RIMBP2: variants seen among roughly 807,000 people sequenced by gnomAD.
The protein encoded by RIMBP2 is RIMS binding protein 2.
Under a neutral mutation model 118.6 loss-of-function variants are expected in RIMBP2, and 48 were observed. The ratio of observed to expected loss-of-function variants is 0.40; its 90% CI spans 0.32 to 0.51. The LOEUF (loss-of-function observed/expected upper bound fraction) is 0.51. RIMBP2 is among the 20% of genes least tolerant of loss of function. The probability of loss-of-function intolerance (pLI) is 0.41; values close to 1 mark genes in which losing one functional copy is unlikely to be tolerated. For missense variants in RIMBP2, 1,551 were observed against 1,768.3 expected, an observed-to-expected ratio of 0.88 and a Z score of 2.20; for synonymous variants, 762 against 742.9, an observed-to-expected ratio of 1.03 and a Z score of -0.42.
chr12:130,483,637 A>AT (rs1284365449), intron 4 of RIMBP2, among the ~76,000 whole-genome samples: 65 of 139,550 alleles, frequency 4.7e-4, no homozygotes, highest in African/African-American at 1.5e-3. Context: ...CAGAGCCCCC[A>AT]CCCTCACCTA....
intron 1 of RIMBP2, among the ~76,000 whole-genome samples, chr12:130,714,524 C>T (rs1950192374): frequency 6.6e-6 from 1 of 152,156 alleles, no homozygotes; most frequent in Non-Finnish European, 1.5e-5. Flanking sequence ...CTCCCGGGCA[C>T]GTGGGCAGTG....
chr12:130,549,077 A>G (rs2055472677), intron 2 of RIMBP2, among the ~76,000 whole-genome samples: 1 of 152,200 alleles, frequency 6.6e-6, no homozygotes, highest in Non-Finnish European at 1.5e-5. Context: ...AAATACTCCT[A>G]GGAAACTTGT....
intron 2 of RIMBP2, among the ~76,000 whole-genome samples, chr12:130,593,979 G>A (rs1220529279): frequency 6.6e-6 from 1 of 152,186 alleles, no homozygotes; most frequent in African/African-American, 2.4e-5. Context: ...CAGCATCTCA[G>A]TAATATTGTT....
intron 4 of RIMBP2, among the ~76,000 whole-genome samples, chr12:130,486,706 T>C (rs1306621248): frequency 8.3e-6 from 1 of 120,020 alleles, no homozygotes; most frequent in Non-Finnish European, 1.7e-5. Flanking sequence ...CATCCAGATC[T>C]TTGAGAAAAA....
chr12:130,506,779 G>A lies in RIMBP2; in HGVS notation c.-126-9C>T, dbSNP rs750894641. 4.7e-5 allele frequency: 46 copies of A among 985,546 alleles called. No individual in the cohort carries two copies. The highest frequency in any genetic ancestry group is 2.3e-4 in the South Asian group (5 of 21,290). The allele number at this position is 985,546 out of a possible 1,614,324, so 61.1% of individuals were successfully genotyped here. ...ACATACTCTGCCTTCACCTGCAAGC[G>A]GAAGGGATGGAGACAAGGAGGTTAT... On this transcript the variant is annotated splice_polypyrimidine_tract_variant and intron_variant, in intron 3 of 22. Coordinates refer to ENST00000690449, the MANE Select transcript of RIMBP2 (RefSeq NM_001393629.1).
chr12:130,712,683 A>G (rs536809709), intron 1 of RIMBP2, among the ~76,000 whole-genome samples: 2 of 152,144 alleles, frequency 1.3e-5, no homozygotes, highest in Non-Finnish European at 1.5e-5. Context: ...GTTACAGTAA[A>G]TCCATAAGCC....
chr12:130,437,350 T>C, intron 12 of RIMBP2, 59 bp from the exon 13 acceptor site: 3 of 1,417,548 alleles, frequency 2.1e-6, no homozygotes, highest in Non-Finnish European at 2.9e-6. Flanking sequence ...GGTCCTGCAA[T>C]GGGGAGCCGA....
chr12:130,412,407 A>G (rs2075786875), intron 19 of RIMBP2, among the ~76,000 whole-genome samples: 1 of 152,206 alleles, frequency 6.6e-6, no homozygotes, highest in Non-Finnish European at 1.5e-5. Flanking sequence ...ACTTAGGTGT[A>G]TCTGTGTCCC....
In RIMBP2 at chr12:130,688,579, G is replaced by A. The variant is rs928716338; in HGVS notation, c.-352+27643C>T. On this transcript the variant is annotated intron_variant, in intron 1 of 22. Coordinates refer to ENST00000690449, the MANE Select transcript of RIMBP2 (RefSeq NM_001393629.1). This position sits in a 1 kb window ranked among gnomAD's most constrained non-coding sequence, Gnocchi z 4.7. The stretch of plus-strand genomic sequence containing the variant: ...CGTTACCCCCTGTCAGTTACCCCGG[G>A]TGACCCTTAGGACTCTGAGCACAGC... 6.6e-6 allele frequency among the ~76,000 whole-genome samples: 1 copy of A among 151,514 alleles called. No homozygotes were observed. The highest frequency in any genetic ancestry group is 2.0e-4 in the East Asian group (1 of 5,104).
At chr12:130,646,268 TG>T (rs2141068393) in intron 1 of RIMBP2, among the ~76,000 whole-genome samples, 1 of 80,324 alleles carries the variant, frequency 1.2e-5, no homozygotes, top group Admixed American at 1.2e-4. Flanking sequence ...CCTCTCCACC[TG>T]CCTCACCACC....
intron 4 of RIMBP2, among the ~76,000 whole-genome samples, chr12:130,485,413 G>A (rs542850946): frequency 5.3e-5 from 8 of 152,346 alleles, no homozygotes; most frequent in Admixed American, 2.0e-4. Flanking sequence ...GTCTGCTCCC[G>A]GCCACTGCCC....
chr12:130,569,209 C>G (rs1006570015), intron 2 of RIMBP2, among the ~76,000 whole-genome samples: 1 of 152,208 alleles, frequency 6.6e-6, no homozygotes, highest in African/African-American at 2.4e-5. Context: ...CTAAGTGAAC[C>G]GTGTCACCAC....
chr12:130,675,192 G>C (rs2064395693), intron 1 of RIMBP2, among the ~76,000 whole-genome samples: 1 of 152,252 alleles, frequency 6.6e-6, no homozygotes, highest in Non-Finnish European at 1.5e-5. Context: ...AGCCCTGGTT[G>C]ACGGAGCCGC....
rs1411176758 is a variant in RIMBP2, at chr12:130,683,858, A to G, written c.-352+32364T>C. Reference sequence around the variant, plus strand: ...ATAACCATAAAAATAGGCAACCAGCAGCCCTCGGGGTTGTCCTGCCTATGG... The same window carrying G: ...ATAACCATAAAAATAGGCAACCAGCGGCCCTCGGGGTTGTCCTGCCTATGG... On this transcript the variant is annotated intron_variant, in intron 1 of 22. Coordinates refer to ENST00000690449, the MANE Select transcript of RIMBP2 (RefSeq NM_001393629.1). This position sits in a 1 kb window ranked among gnomAD's most constrained non-coding sequence, Gnocchi z 4.4. Among the ~76,000 whole-genome samples the G allele has an allele frequency of 6.6e-6, 1 of 152,238 alleles. No homozygotes were observed. The highest frequency in any genetic ancestry group is 1.9e-4 in the East Asian group (1 of 5,194).
intron 1 of RIMBP2, among the ~76,000 whole-genome samples, chr12:130,713,219 AAGGAAGG>A: frequency 1.5e-5 from 1 of 66,028 alleles, no homozygotes; most frequent in South Asian, 5.1e-4. Flanking sequence ...GATAGGAAGG[AAGGAAGG>A]AAGGAAGGAA....
chr12:130,634,167 C>A (rs1380046103), intron 1 of RIMBP2, among the ~76,000 whole-genome samples: 2 of 152,162 alleles, frequency 1.3e-5, no homozygotes, highest in South Asian at 4.1e-4. Context: ...CTCTTCCCCC[C>A]GAATCTCCCC....
At chr12:130,558,185 G>T (rs1366435517) in intron 2 of RIMBP2, among the ~76,000 whole-genome samples, 1 of 152,052 alleles carries the variant, frequency 6.6e-6, no homozygotes, top group African/African-American at 2.4e-5. Flanking sequence ...ACTTTTCCTG[G>T]GGTCATTCTT....
Position 130,434,889 on chromosome 12 carries a change from GA to G in RIMBP2, c.2107-10del. On this transcript the variant is annotated splice_polypyrimidine_tract_variant and intron_variant, in intron 13 of 22. Transcript: ENST00000690449. This position sits in a 1 kb window ranked among gnomAD's most constrained non-coding sequence, Gnocchi z 5.7. The stretch of plus-strand genomic sequence containing the variant: ...ACGCTCCTTTTCTCTAACTTGGAAA[GA>G]AAAAGGAGGCACACGGGTGAGGCAG... The G allele has an allele frequency of 6.3e-7, 1 of 1,598,974 alleles. No individual in the cohort carries two copies. Among genetic ancestry groups the G allele is most frequent in the Non-Finnish European group, 8.5e-7 (1 of 1,172,810 alleles).
At chr12:130,487,242 T>C (rs2082568164) in intron 4 of RIMBP2, among the ~76,000 whole-genome samples, 1 of 152,210 alleles carries the variant, frequency 6.6e-6, no homozygotes, top group Non-Finnish European at 1.5e-5. Context: ...TGATGGGGTT[T>C]AGGATGTGTT....
Sources: gnomAD v4.1 joint callset for allele counts (sites outside exome capture counted in the v4.1 genomes callset) on GRCh38, gnomAD v4.1.1 for gene constraint, Gnocchi (gnomAD v3.1) non-coding constraint, MANE v1.5 for transcripts, NCBI Gene and HGNC (gene_info 2026-07-23, HGNC 2026-07-21) for gene names.